TIAM2: variants seen among roughly 807,000 people sequenced by gnomAD.
The protein encoded by TIAM2 is rho guanine nucleotide exchange factor TIAM2.
A neutral mutation model predicts 152.9 loss-of-function variants in TIAM2; 80 were observed. That is an observed-to-expected ratio of 0.52 (90% CI 0.44 to 0.63). The LOEUF is 0.63. TIAM2 is among the 30% of genes least tolerant of loss of function. The pLI, the probability that TIAM2 is intolerant of heterozygous loss-of-function variation, is 0.00. For synonymous variants in TIAM2, 804 were observed against 838.0 expected, an observed-to-expected ratio of 0.96 and a Z score of 0.70; for missense variants, 1,965 against 2,120.1, an observed-to-expected ratio of 0.93 and a Z score of 1.44.
At chr6:155,119,400 T>TG (rs1779099753) in intron 2 of TIAM2, among the ~76,000 whole-genome samples, 1 of 151,868 alleles carries the variant, frequency 6.6e-6, no homozygotes, top group Non-Finnish European at 1.5e-5. Flanking sequence ...AGCGCAGTGA[T>TG]GCAATCTCCA....
intron 24 of TIAM2, 145 bp from the exon 25 acceptor site, chr6:155,253,828 A>G: frequency 1.6e-6 from 1 of 608,122 alleles, no homozygotes; most frequent in Non-Finnish European, 2.9e-6. Flanking sequence ...TGAAAATCAT[A>G]CATAGAACAA....
chr6:155,046,302 C>T (rs1302560335), intron 1 of TIAM2, among the ~76,000 whole-genome samples: 2 of 149,868 alleles, frequency 1.3e-5, no homozygotes, highest in African/African-American at 2.5e-5. Context: ...TTATGGCTAG[C>T]CTTAGAGGAA....
intron 14 of TIAM2, among the ~76,000 whole-genome samples, chr6:155,207,807 G>A (rs748805143): frequency 7.2e-5 from 11 of 152,160 alleles, no homozygotes; most frequent in East Asian, 1.9e-4. Context: ...TACCTGAAAC[G>A]AATCTCTTCT....
chr6:155,165,527 G>C (rs962076040), intron 9 of TIAM2, 118 bp downstream of exon 9: 30 of 1,401,040 alleles, frequency 2.1e-5, no homozygotes, highest in Non-Finnish European at 1.4e-5. Context: ...AGGCGAGGTG[G>C]GGTGGCTCAC....
chr6:155,211,537 G>A (rs1781719892), intron 15 of TIAM2, among the ~76,000 whole-genome samples: 1 of 152,098 alleles, frequency 6.6e-6, no homozygotes, highest in African/African-American at 2.4e-5. Context: ...CATGACTTCT[G>A]GTATGCCATC....
At chr6:155,182,132 G>A in intron 12 of TIAM2, 94 bp from the exon 13 acceptor site, 1 of 1,013,586 alleles carries the variant, frequency 9.9e-7, no homozygotes, top group Non-Finnish European at 1.5e-6. Context: ...CTGTACTTAT[G>A]AGAAAAGATG....
intron 10 of TIAM2, among the ~76,000 whole-genome samples, chr6:155,177,507 TGAGA>T (rs1473418334): frequency 2.0e-5 from 3 of 152,190 alleles, no homozygotes; most frequent in African/African-American, 7.2e-5. Context: ...GAGAGCCCTC[TGAGA>T]GAGAATATAT....
intron 16 of TIAM2, among the ~76,000 whole-genome samples, chr6:155,241,572 C>A (rs890252985): frequency 6.6e-6 from 1 of 152,162 alleles, no homozygotes; most frequent in African/African-American, 2.4e-5. Flanking sequence ...ACACGTGCGG[C>A]TATTACCTTG....
chr6:155,162,715 C>T (rs543030195), intron 7 of TIAM2, among the ~76,000 whole-genome samples: 89 of 152,244 alleles, frequency 5.8e-4, no homozygotes, highest in African/African-American at 1.8e-3. Flanking sequence ...AATCTTCAGG[C>T]GTAGGACCTG....
chr6:155,180,147 T>C (rs570671444), intron 12 of TIAM2, among the ~76,000 whole-genome samples: 4 of 152,108 alleles, frequency 2.6e-5, no homozygotes, highest in Non-Finnish European at 5.9e-5. Context: ...AGCATGGTGG[T>C]ACATGCCTGT....
intron 7 of TIAM2, among the ~76,000 whole-genome samples, chr6:155,148,858 C>T (rs1326951777): frequency 2.0e-5 from 3 of 152,182 alleles, no homozygotes; most frequent in Non-Finnish European, 4.4e-5. Flanking sequence ...TAAATGGCTG[C>T]TTCCTATGGC....
intron 1 of TIAM2, among the ~76,000 whole-genome samples, chr6:155,000,529 CAAAAAAAAA>C (rs58867200): frequency 1.0e-4 from 10 of 97,746 alleles, no homozygotes. Context: ...GAAACTGTTG[CAAAAAAAAA>C]AAAAAAAAAA....
rs1354220119 is a variant in TIAM2, at chr6:155,228,622, T to C, written c.3169-11908T>C. ...AGACAGATTAGCCTTAAGGGTAGCA[T>C]TGAAACTCCCAGAATTTTATGTGAA... On this transcript the variant is annotated intron_variant, in intron 15 of 26. Transcript: ENST00000682666. Among the ~76,000 whole-genome samples the C allele has an allele frequency of 2.0e-5, 3 of 152,154 alleles. No homozygotes were observed. The East Asian group carries it at 5.8e-4, about 29-fold the overall frequency.
At chr6:155,029,600 GTTATATAACTCTGTATATATGTA>G (rs1562295370) in intron 1 of TIAM2, among the ~76,000 whole-genome samples, 9 of 69,006 alleles carry the variant, frequency 1.3e-4, no homozygotes, top group African/African-American at 5.1e-4. Context: ...AGTATATATA[GTTATATAACTCTGTATATATGTA>G]TATAACTATA....
At chr6:155,102,323 T>C (rs1167982818) in intron 2 of TIAM2, among the ~76,000 whole-genome samples, 2 of 152,196 alleles carry the variant, frequency 1.3e-5, no homozygotes, top group African/African-American at 4.8e-5. Flanking sequence ...GTTTTTCTTA[T>C]AATTATTTAT....
chr6:155,098,767 A>G (rs1052201598), intron 2 of TIAM2, among the ~76,000 whole-genome samples: 1 of 152,264 alleles, frequency 6.6e-6, no homozygotes, highest in Non-Finnish European at 1.5e-5. Context: ...AACAACTTTT[A>G]TGAAGAATTA....
chr6:155,094,543 A>T (rs1778370717), intron 2 of TIAM2, among the ~76,000 whole-genome samples: 1 of 126,846 alleles, frequency 7.9e-6, no homozygotes, highest in Admixed American at 9.0e-5. Flanking sequence ...TGCTTCACTC[A>T]GACTTTTTTT....
intron 6 of TIAM2, among the ~76,000 whole-genome samples, chr6:155,145,730 C>T (rs1184050931): frequency 6.6e-6 from 1 of 152,058 alleles, no homozygotes; most frequent in Non-Finnish European, 1.5e-5. Context: ...CCTGGGTGCC[C>T]TCAGAAGCCC....
At chr6:155,101,672 A>T (rs566950228) in intron 2 of TIAM2, among the ~76,000 whole-genome samples, 20 of 152,248 alleles carry the variant, frequency 1.3e-4, no homozygotes, top group African/African-American at 4.3e-4. Context: ...TTCTAAGCAG[A>T]GAGGTTATTT....
Sources: gnomAD v4.1 joint callset for allele counts (sites outside exome capture counted in the v4.1 genomes callset) on GRCh38, gnomAD v4.1.1 for gene constraint, MANE v1.5 for transcripts, NCBI Gene and HGNC (gene_info 2026-07-23, HGNC 2026-07-21) for gene names.